The following TBCA variants were observed in gnomAD, a reference collection of about 807,000 sequenced individuals.
The protein encoded by TBCA is tubulin-specific chaperone A.
Under a neutral mutation model 15.8 loss-of-function variants are expected in TBCA, and 6 were observed. The ratio of observed to expected loss-of-function variants is 0.38; its 90% confidence interval spans 0.21 to 0.75. TBCA has a LOEUF of 0.75. TBCA is among the 30% of genes least tolerant of loss of function. The pLI, the probability that TBCA is intolerant of heterozygous loss-of-function variation, is 0.46. For synonymous variants in TBCA, 32 were observed against 42.3 expected (o/e 0.76, Z 0.94); for missense variants, 90 against 131.2 (o/e 0.69, Z 1.53).
At chr5:77,756,530 T>C (rs764208268) in intron 1 of TBCA, among the ~76,000 whole-genome samples, 1 of 151,562 alleles carries the variant, frequency 6.6e-6, no homozygotes, top group Non-Finnish European at 1.5e-5. Context: ...GACAAGCCAA[T>C]GGAGATTAAT....
chr5:77,750,938 G>T (rs1747311626), intron 1 of TBCA, among the ~76,000 whole-genome samples: 1 of 152,128 alleles, frequency 6.6e-6, no homozygotes, highest in Non-Finnish European at 1.5e-5. Flanking sequence ...GCAATTGGTT[G>T]AAAGAGTTAT....
Position 77,691,281 on chromosome 5 carries a change from A to C in TBCA, c.*137T>G. On this transcript the variant is annotated 3_prime_UTR_variant, in exon 4 of 4. Transcript: ENST00000380377. The stretch of plus-strand genomic sequence containing the variant: ...TCATTTATTTGACATATTAAATTAG[A>C]CAAAGAAATATATATGTAACCAGAT... 1 of 689,656 alleles carries C rather than the reference A, an allele frequency of 1.5e-6. No individual in the cohort carries two copies. The allele number at this position is 689,656 out of a possible 1,614,324, so 42.7% of individuals were successfully genotyped here. A position where few individuals can be genotyped will look rare whatever the true frequency, so the allele number is the denominator to read the frequency against.
chr5:77,737,043 A>G (rs17787671), intron 1 of TBCA, among the ~76,000 whole-genome samples: 12,180 of 152,286 alleles, frequency 0.08, 637 homozygotes, highest in Middle Eastern at 0.12. Context: ...TAGGAGAATA[A>G]CATCCCAAAA....
chr5:77,697,941 G>T (rs1056888104), intron 2 of TBCA, among the ~76,000 whole-genome samples: 1 of 149,362 alleles, frequency 6.7e-6, no homozygotes, highest in African/African-American at 2.4e-5. Context: ...ACCAGCCTGG[G>T]CAACAGGCAA....
At chr5:77,740,690 G>C (rs1747011256) in intron 1 of TBCA, among the ~76,000 whole-genome samples, 1 of 152,096 alleles carries the variant, frequency 6.6e-6, no homozygotes, top group African/African-American at 2.4e-5. Context: ...GAGAGGTCTG[G>C]GCCAAAAACA....
chr5:77,704,529 T>C (rs1746098068), intron 2 of TBCA, among the ~76,000 whole-genome samples: 1 of 152,202 alleles, frequency 6.6e-6, no homozygotes, highest in African/African-American at 2.4e-5. Context: ...GGGAGAAGTG[T>C]AGAAAACCCA....
At chr5:77,755,433 C>G (rs1747450739) in intron 1 of TBCA, among the ~76,000 whole-genome samples, 1 of 151,556 alleles carries the variant, frequency 6.6e-6, no homozygotes, top group South Asian at 2.1e-4. Context: ...AAAAATTAGC[C>G]GTGTGTGGTG....
intron 1 of TBCA, among the ~76,000 whole-genome samples, chr5:77,763,100 C>A (rs931243871): frequency 1.3e-5 from 2 of 151,982 alleles, no homozygotes; most frequent in Non-Finnish European, 2.9e-5. Flanking sequence ...AAAAATTAGC[C>A]GGGCGTGATG....
At chr5:77,694,834 TTTC>T (rs1420426562) in intron 2 of TBCA, among the ~76,000 whole-genome samples, 2 of 152,196 alleles carry the variant, frequency 1.3e-5, no homozygotes, top group African/African-American at 4.8e-5. Context: ...TCACATCTAT[TTTC>T]TCAGGTGGAA....
rs1231385200 is a variant in TBCA at position 77,708,253 on chromosome 5, T to C, written c.148A>G (p.Ile50Val). The change falls in exon 2 of 4, where the codon ATT becomes GTT. Residue 50 changes from isoleucine to valine, a missense_variant. Physicochemically the swap from Ile to Val is conservative, Grantham distance 29. Coordinates refer to ENST00000380377, the MANE Select transcript of TBCA (RefSeq NM_004607.3). ...MRAEDGENYDIKKQAEILQES... is the reference protein window; with the variant it reads ...MRAEDGENYDVKKQAEILQES... The stretch of plus-strand genomic sequence containing the variant: ...TGATATAATTTTACCTGCTTTTTAA[T>C]GTCATAATTTTCACCGTCTTCAGCT... The C allele has an allele frequency of 1.9e-6, 3 of 1,605,034 alleles. No individual in the cohort carries two copies. The highest frequency in any genetic ancestry group is 2.2e-5 in the East Asian group (1 of 44,596).
chr5:77,731,647 ATAG>A (rs745677654), intron 1 of TBCA, among the ~76,000 whole-genome samples: 4 of 152,106 alleles, frequency 2.6e-5, no homozygotes, highest in Non-Finnish European at 5.9e-5. Flanking sequence ...TGTTGTATAG[ATAG>A]TAAATACTTT....
Position 77,741,656 on chromosome 5 carries a change from TA to T in TBCA, c.54-33310del, listed in dbSNP as rs528002138. On this transcript the variant is annotated intron_variant, in intron 1 of 3. Transcript: ENST00000380377. ...CAGAGCAGATGGCTAGGGAGTATTCTAGTCAGAGGAAACCGAATATTTAATG... is the reference window on the plus strand; with the variant it reads ...CAGAGCAGATGGCTAGGGAGTATTCTGTCAGAGGAAACCGAATATTTAATG... 1.0e-3 allele frequency among the ~76,000 whole-genome samples: 156 copies of T among 152,318 alleles called. 1 individual carries two copies. The South Asian group carries it at 0.011, about 11-fold the overall frequency.
intron 1 of TBCA, among the ~76,000 whole-genome samples, chr5:77,733,075 G>GT (rs1359477690): frequency 2.6e-5 from 4 of 152,156 alleles, no homozygotes; most frequent in Non-Finnish European, 5.9e-5. Context: ...GAGGTCAGGA[G>GT]TTTGAGACCA....
At chr5:77,767,215 G>A (rs1747798422) in intron 1 of TBCA, among the ~76,000 whole-genome samples, 1 of 152,122 alleles carries the variant, frequency 6.6e-6, no homozygotes, top group Non-Finnish European at 1.5e-5. Flanking sequence ...TTCAGAAGCT[G>A]AGGAACATTT....
intron 1 of TBCA, among the ~76,000 whole-genome samples, chr5:77,736,966 G>T (rs939120577): frequency 6.6e-6 from 1 of 152,130 alleles, no homozygotes; most frequent in African/African-American, 2.4e-5. Flanking sequence ...ACTTAGTTGT[G>T]CCTGCTTAAA....
At chr5:77,765,827 C>T (rs1401012069) in intron 1 of TBCA, among the ~76,000 whole-genome samples, 2 of 147,986 alleles carry the variant, frequency 1.4e-5, no homozygotes, top group East Asian at 4.0e-4. Context: ...GTTCTAGGGG[C>T]CATATATAAC....
At chr5:77,700,834 T>C (rs551316643) in intron 2 of TBCA, among the ~76,000 whole-genome samples, 1 of 152,248 alleles carries the variant, frequency 6.6e-6, no homozygotes, top group Non-Finnish European at 1.5e-5. Flanking sequence ...GGACACCCTT[T>C]TCAACAAATG....
chr5:77,707,143 C>T (rs1158127319), intron 2 of TBCA, among the ~76,000 whole-genome samples: 1 of 151,878 alleles, frequency 6.6e-6, no homozygotes, highest in African/African-American at 2.4e-5. Context: ...AGAGTAATAA[C>T]AATGTCACTG....
At chr5:77,770,280 T>C (rs964850891) in intron 1 of TBCA, among the ~76,000 whole-genome samples, 12 of 152,344 alleles carry the variant, frequency 7.9e-5, no homozygotes, top group Middle Eastern at 3.4e-3. Context: ...AAATCATTAA[T>C]AATTTAAATA....
Sources: allele counts gnomAD v4.1 joint callset (sites outside exome capture counted in the v4.1 genomes callset), GRCh38; gene constraint gnomAD v4.1.1; transcripts MANE v1.5; gene names NCBI Gene and HGNC (gene_info 2026-07-23, HGNC 2026-07-21).